SASS6: variants seen among roughly 807,000 people sequenced by gnomAD.
SASS6 encodes the protein SAS-6 centriolar assembly protein, also known as spindle assembly abnormal protein 6 homolog.
A neutral mutation model predicts 94.9 loss-of-function variants in SASS6; 59 were observed. The ratio of observed to expected loss-of-function variants is 0.62; its 90% CI spans 0.50 to 0.77. The LOEUF (loss-of-function observed/expected upper bound fraction) is 0.77. Among genes scored for constraint, SASS6 ranks in the 30% least tolerant of loss-of-function variants. The pLI is 0.00. For missense variants in SASS6, 698 were observed against 734.1 expected, an observed-to-expected ratio of 0.95 and a Z score of 0.57; for synonymous variants, 264 against 270.0, an observed-to-expected ratio of 0.98 and a Z score of 0.22.
chr1:100,107,678 G>C lies in SASS6; in HGVS notation c.1096C>G (p.Leu366Val). Residue 366 changes from leucine (L) to valine (V), a missense_variant, in exon 10 of 17, where the codon CTA becomes GTA. By Grantham distance (32) the Leu-to-Val change is conservative. Coordinates refer to ENST00000287482, the MANE Select transcript of SASS6 (RefSeq NM_194292.3). ...EENGEKNQVQ[L>V]GKLEATIKSL... ...TTTATTGTAGCTTCAAGCTTTCCTA[G>C]TTGTACTTGATTTTTCTCACCATTT... 6.2e-7 allele frequency: 1 copy of C among 1,606,320 alleles called. No individual in the cohort carries two copies. The highest frequency in any genetic ancestry group is 8.5e-7 in the Non-Finnish European group (1 of 1,176,270).
intron 14 of SASS6, among the ~76,000 whole-genome samples, chr1:100,102,229 G>A (rs932378609): frequency 6.6e-6 from 1 of 152,104 alleles, no homozygotes; most frequent in Non-Finnish European, 1.5e-5. Flanking sequence ...AATGCTGTCA[G>A]AACTAAATTT....
chr1:100,123,973 G>C (rs1654386964), intron 2 of SASS6, among the ~76,000 whole-genome samples: 1 of 152,152 alleles, frequency 6.6e-6, no homozygotes, highest in African/African-American at 2.4e-5. Flanking sequence ...ATGTACCAGA[G>C]AACACTGGTG....
intron 7 of SASS6, among the ~76,000 whole-genome samples, chr1:100,111,613 AT>A (rs1338392565): frequency 1.3e-5 from 2 of 152,232 alleles, no homozygotes; most frequent in Non-Finnish European, 2.9e-5. Flanking sequence ...CCAAAACTGT[AT>A]CCCAGAGAAG....
At chr1:100,108,146 A>G (rs939328515) in intron 8 of SASS6, 142 bp from the exon 9 acceptor site, 5 of 500,746 alleles carry the variant, frequency 1.0e-5, no homozygotes, top group Non-Finnish European at 1.7e-5. Context: ...TTTTAAAAGC[A>G]TAAATGTCTT....
At chr1:100,107,265 T>C (rs752592574) in intron 11 of SASS6, 109 bp downstream of exon 11, 3 of 710,172 alleles carry the variant, frequency 4.2e-6, no homozygotes, top group Non-Finnish European at 7.1e-6. Flanking sequence ...CATGTTCTTT[T>C]GTTAAAAAAA....
intron 2 of SASS6, among the ~76,000 whole-genome samples, chr1:100,124,320 T>C (rs1169203100): frequency 6.6e-6 from 1 of 152,214 alleles, no homozygotes; most frequent in Non-Finnish European, 1.5e-5. Context: ...AAAGGTACTA[T>C]TAATACTACT....
chr1:100,122,586 T>G, intron 3 of SASS6, 102 bp from the exon 4 acceptor site: 2 of 450,780 alleles, frequency 4.4e-6, no homozygotes, highest in Non-Finnish European at 7.4e-6. Context: ...AGAGGCTCAC[T>G]CCATCACCCA....
chr1:100,100,319 T>G (rs1182203204), intron 14 of SASS6, among the ~76,000 whole-genome samples: 3 of 152,130 alleles, frequency 2.0e-5, no homozygotes, highest in African/African-American at 7.2e-5. Flanking sequence ...TGAAAGACAT[T>G]ACAATTTACT....
chr1:100,109,865 C>T (rs947913380), intron 8 of SASS6, among the ~76,000 whole-genome samples: 4 of 151,748 alleles, frequency 2.6e-5, no homozygotes, highest in African/African-American at 9.7e-5. Flanking sequence ...ATAGAAAATG[C>T]TCAGTAAGCA....
chr1:100,085,161 T>G lies in SASS6; in HGVS notation c.*167A>C, dbSNP rs1308734421. ...CTTTACCAATCCCCAAGTACAAATT[T>G]GTTCCTATATTATAAACTGCCATAA... is the stretch of plus-strand genomic sequence containing the variant. On this transcript the variant is annotated 3_prime_UTR_variant, in exon 17 of 17. Coordinates refer to ENST00000287482, the MANE Select transcript of SASS6 (RefSeq NM_194292.3). 7.2e-6 allele frequency: 4 copies of G among 558,532 alleles called. No homozygotes were observed. Among genetic ancestry groups the G allele is most frequent in the African/African-American group, 1.9e-5 (1 of 53,592 alleles). The allele number at this position is 558,532 out of a possible 1,614,324, so 34.6% of individuals were successfully genotyped here.
chr1:100,113,657 A>T (rs1408904383), intron 7 of SASS6, among the ~76,000 whole-genome samples: 1 of 151,934 alleles, frequency 6.6e-6, no homozygotes, highest in Non-Finnish European at 1.5e-5. Context: ...AAAAAAAAGA[A>T]AAGGTAGTAA....
At chr1:100,093,311 C>G (rs1361995475) in intron 14 of SASS6, among the ~76,000 whole-genome samples, 1 of 151,778 alleles carries the variant, frequency 6.6e-6, no homozygotes, top group African/African-American at 2.4e-5. Flanking sequence ...TCCCCAACAG[C>G]TGGGACCACA....
chr1:100,085,610 T>C lies in SASS6; in HGVS notation c.1793A>G (p.Glu598Gly). The change falls in exon 16 of 17, where the codon GAA (glutamate) becomes GGA (glycine). Residue 598 changes from glutamate to glycine, a missense_variant. Glu to Gly is a moderately conservative substitution (Grantham distance 98, BLOSUM62 -2). Coordinates refer to ENST00000287482, the MANE Select transcript of SASS6 (RefSeq NM_194292.3). ...DKENGENVGLESKYLKKREDS... is the reference protein window; with the variant it reads ...DKENGENVGLGSKYLKKREDS... ...TTCCCTTTTCTTCAGGTATTTGGATTCCAACCCTACATTTTCACCACTTAA... is the reference window on the plus strand; with the variant it reads ...TTCCCTTTTCTTCAGGTATTTGGATCCCAACCCTACATTTTCACCACTTAA... 1.9e-6 allele frequency: 3 copies of C among 1,609,994 alleles called. No individual in the cohort carries two copies. The highest frequency in any genetic ancestry group is 2.5e-6 in the Non-Finnish European group (3 of 1,176,862).
At position 100,119,132 on chromosome 1, in the gene SASS6, T is replaced by C; in HGVS notation, c.555A>G (p.Leu185=). The change falls in exon 7 of 17, where the codon TTA becomes TTG. Residue 185 remains leucine (L), a synonymous_variant. Transcript: ENST00000287482. ...TKQLDFTRKT[L]AEKKQELDKL... is the part of the protein sequence containing the mutation. ...TATCTAATTCTTGTTTTTTTTCTGC[T>C]AATGTCTACATTAGAGTTTAACACA... The C allele has an allele frequency of 1.9e-6, 3 of 1,551,410 alleles. No individual in the cohort carries two copies. Among genetic ancestry groups the C allele is most frequent in the East Asian group, 4.5e-5 (2 of 44,250 alleles).
intron 7 of SASS6, among the ~76,000 whole-genome samples, chr1:100,115,721 T>G (rs1179760611): frequency 6.6e-6 from 1 of 152,090 alleles, no homozygotes; most frequent in African/African-American, 2.4e-5. Flanking sequence ...CCAGCTACTT[T>G]GGAAGCAGAG....
intron 14 of SASS6, among the ~76,000 whole-genome samples, chr1:100,093,206 C>T (rs1320198710): frequency 7.5e-6 from 1 of 133,640 alleles, no homozygotes; most frequent in Non-Finnish European, 1.6e-5. Context: ...TTTGTGAGAC[C>T]TCTCACTCTA....
At position 100,121,364 on chromosome 1, in the gene SASS6, A is replaced by G; in HGVS notation, c.483+14T>C. On this transcript the variant is annotated intron_variant, in intron 5 of 16. Coordinates refer to ENST00000287482, the MANE Select transcript of SASS6 (RefSeq NM_194292.3). ...CTTATTTTGTTAAAAGAATAACTTA[A>G]ATTTAAATCTTACCTTGCTACATTT... The G allele has an allele frequency of 6.8e-7, 1 of 1,475,936 alleles. No individual in the cohort carries two copies. The highest frequency in any genetic ancestry group is 9.2e-7 in the Non-Finnish European group (1 of 1,086,988). 91.4% of individuals were successfully genotyped at this position (1,475,936 alleles called of 1,614,324 possible). A position where few individuals can be genotyped will look rare whatever the true frequency, so the allele number is the denominator to read the frequency against.
chr1:100,096,392 A>C (rs975508306), intron 14 of SASS6, among the ~76,000 whole-genome samples: 1 of 152,222 alleles, frequency 6.6e-6, no homozygotes, highest in Non-Finnish European at 1.5e-5. Flanking sequence ...TTATTTCAAA[A>C]TGGATCACAG....
At position 100,088,175 on chromosome 1, in the gene SASS6, G is replaced by C; in HGVS notation, c.1736C>G (p.Ala579Gly). Residue 579 changes from alanine (A) to glycine (G), a missense_variant, in exon 15 of 17, where the codon GCA (alanine) becomes GGA (glycine). Ala to Gly is a moderately conservative substitution (Grantham distance 60). Coordinates refer to ENST00000287482, the MANE Select transcript of SASS6 (RefSeq NM_194292.3). ...NASLGDVQSGATISMPCSTDK... is the reference protein window; with the variant it reads ...NASLGDVQSGGTISMPCSTDK... ...AGTTGAGCAAGGCATACTAATAGTT[G>C]CTCCTGACTGAACATCTCCTAGTGA... The C allele has an allele frequency of 6.2e-7, 1 of 1,604,226 alleles. No individual in the cohort carries two copies. The highest frequency in any genetic ancestry group is 8.5e-7 in the Non-Finnish European group (1 of 1,171,332).
Sources: gnomAD v4.1 joint callset for allele counts (sites outside exome capture counted in the v4.1 genomes callset) on GRCh38, gnomAD v4.1.1 for gene constraint, MANE v1.5 for transcripts, NCBI Gene and HGNC (gene_info 2026-07-23, HGNC 2026-07-21) for gene names.